Variants in ZFPM1 observed in about 807,000 individuals in gnomAD.
ZFPM1 encodes the protein zinc finger protein, FOG family member 1.
Under a neutral mutation model 46.3 loss-of-function variants are expected in ZFPM1, and 28 were observed. The observed-to-expected ratio is 0.60, with a 90% confidence interval of 0.45 to 0.83. The LOEUF is 0.83. Ranked by LOEUF, ZFPM1 falls within the 40% of genes least tolerant of loss-of-function variation. ZFPM1 has a pLI of 0.00. For missense variants in ZFPM1, 1,878 were observed against 1,432.4 expected, an observed-to-expected ratio of 1.31 and a Z score of -5.02; for synonymous variants, 957 against 675.9, an observed-to-expected ratio of 1.42 and a Z score of -6.45.
chr16:88,521,027 G>A (rs1409619169), intron 4 of ZFPM1, among the ~76,000 whole-genome samples: 1 of 126,136 alleles, frequency 7.9e-6, no homozygotes, highest in Non-Finnish European at 1.7e-5. Flanking sequence ...TATGTAGGTG[G>A]GTAGATGATG....
At chr16:88,473,735 C>T (rs1013719532) in intron 1 of ZFPM1, among the ~76,000 whole-genome samples, 1 of 152,170 alleles carries the variant, frequency 6.6e-6, no homozygotes, top group Non-Finnish European at 1.5e-5. Flanking sequence ...TGGGACCTCT[C>T]CTCCTCCCTG....
At chr16:88,486,788 GGT>G (rs1314860124) in intron 2 of ZFPM1, among the ~76,000 whole-genome samples, 2 of 149,910 alleles carry the variant, frequency 1.3e-5, no homozygotes, top group South Asian at 2.1e-4. Context: ...GTGGGTGCTG[GGT>G]GCACAGTGGA....
chr16:88,494,800 C>G (rs750252896), intron 3 of ZFPM1, among the ~76,000 whole-genome samples: 1 of 152,080 alleles, frequency 6.6e-6, no homozygotes, highest in African/African-American at 2.4e-5. Context: ...GGGGTCTGAG[C>G]GTGATCCCAG....
At chr16:88,495,585 G>A (rs568390423) in intron 3 of ZFPM1, among the ~76,000 whole-genome samples, 4 of 152,322 alleles carry the variant, frequency 2.6e-5, no homozygotes, top group Admixed American at 6.5e-5. Context: ...TGCAGGCACC[G>A]AGGGTGGGAA....
chr16:88,532,215 T>G lies in ZFPM1; in HGVS notation c.926T>G (p.Ile309Ser), dbSNP rs1448562711. The change falls in exon 7 of 10, where the codon ATC (isoleucine) becomes AGC (serine). Residue 309 changes from isoleucine (I) to serine (S), a missense_variant. By Grantham distance (142) the Ile-to-Ser change is moderately radical. Coordinates refer to ENST00000319555, the MANE Select transcript of ZFPM1 (RefSeq NM_153813.3). Reference protein sequence around the residue: ...KSCPSASSLEIHMRSHSGERP... With the variant: ...KSCPSASSLESHMRSHSGERP... ...TGCCCCAGCGCCAGCTCCCTGGAGA[T>G]CCACATGCGCAGCCACAGCGGTGAG... 1 of 1,606,530 alleles carries G rather than the reference T, an allele frequency of 6.2e-7. No homozygotes were observed. Among genetic ancestry groups the G allele is most frequent in the Non-Finnish European group, 8.5e-7 (1 of 1,175,510 alleles).
intron 3 of ZFPM1, among the ~76,000 whole-genome samples, chr16:88,489,998 C>T (rs1035156008): frequency 7.1e-6 from 1 of 140,112 alleles, no homozygotes; most frequent in Non-Finnish European, 1.5e-5. Flanking sequence ...GGAGGGACAG[C>T]GTGGGGAGGG....
chr16:88,493,873 G>A (rs1051675767), intron 3 of ZFPM1, among the ~76,000 whole-genome samples: 10 of 152,156 alleles, frequency 6.6e-5, no homozygotes, highest in South Asian at 2.1e-4. Context: ...TGTCTGCTGC[G>A]AGCGGCTTTG....
intron 3 of ZFPM1, among the ~76,000 whole-genome samples, chr16:88,499,367 C>A (rs1358759762): frequency 1.3e-5 from 2 of 152,290 alleles, no homozygotes; most frequent in East Asian, 3.9e-4. Flanking sequence ...GAAAACAGAC[C>A]TCCTCCAGAG....
intron 1 of ZFPM1, among the ~76,000 whole-genome samples, chr16:88,455,808 G>GC (rs1907529620): frequency 6.6e-6 from 1 of 152,192 alleles, no homozygotes; most frequent in Admixed American, 6.5e-5. Flanking sequence ...CGGGAGCGCG[G>GC]CCTTGGCCGG....
intron 1 of ZFPM1, among the ~76,000 whole-genome samples, chr16:88,483,045 G>A (rs1009306044): frequency 4.6e-5 from 7 of 152,178 alleles, no homozygotes; most frequent in African/African-American, 1.7e-4. Context: ...GGGTGGCCCA[G>A]CCTGCCCTGG....
In ZFPM1 at chr16:88,533,937, G is replaced by A; in HGVS notation, c.1979G>A (p.Gly660Asp). ...GCCACGCCCGAGGACGGCGCGGGCG[G>A]CCGGGGCAGCGAGGGCAGCCAGAGC... is the stretch of plus-strand genomic sequence containing the variant. The part of the protein sequence containing the change: ...GAATPEDGAG[G>D]RGSEGSQSPG... Residue 660 changes from glycine to aspartate, a missense_variant, in exon 10 of 10, where the codon GGC becomes GAC. By Grantham distance (94) the Gly-to-Asp change is moderately conservative. Transcript: ENST00000319555. The A allele has an allele frequency of 2.4e-6, 3 of 1,263,428 alleles. No individual in the cohort carries two copies. Among genetic ancestry groups the A allele is most frequent in the East Asian group, 6.0e-5 (1 of 16,664 alleles). The allele number at this position is 1,263,428 out of a possible 1,614,324, so 78.3% of individuals were successfully genotyped here.
chr16:88,518,737 GTGGA>G (rs56367074), intron 4 of ZFPM1, among the ~76,000 whole-genome samples: 25,761 of 125,892 alleles, frequency 0.2, 2,654 homozygotes, highest in East Asian at 0.25. Context: ...GGCTGAGAGG[GTGGA>G]TGGATGGATG....
chr16:88,499,022 C>T (rs1910099660), intron 3 of ZFPM1, among the ~76,000 whole-genome samples: 1 of 152,230 alleles, frequency 6.6e-6, no homozygotes, highest in Admixed American at 6.5e-5. Flanking sequence ...AGCCCCTGGA[C>T]AGGGTTGAGC....
Position 88,526,860 on chromosome 16 carries a change from G to C in ZFPM1, c.449G>C (p.Arg150Thr), listed in dbSNP as rs1458393953. 6.3e-7 allele frequency: 1 copy of C among 1,576,248 alleles called. No homozygotes were observed. The highest frequency in any genetic ancestry group is 2.3e-5 in the East Asian group (1 of 42,862). The change falls in exon 5 of 10, where the codon AGG (arginine) becomes ACG (threonine). Residue 150 changes from arginine (R) to threonine (T), a missense_variant. Physicochemically the swap from Arg to Thr is moderately conservative, Grantham distance 71. Transcript: ENST00000319555. Reference sequence around the variant, plus strand: ...CTGGTGGACGAGGCCTGCTGGCTGAGGACGCTGCCCCAGGCCCTGACTGAG... The same window carrying C: ...CTGGTGGACGAGGCCTGCTGGCTGACGACGCTGCCCCAGGCCCTGACTGAG... ...LLLVDEACWL[R>T]TLPQALTEAE...
In ZFPM1 at chr16:88,480,654, G is replaced by A. The variant is rs1160579218; in HGVS notation, c.41-5285G>A. 2.6e-5 allele frequency among the ~76,000 whole-genome samples: 4 copies of A among 152,226 alleles called. No individual in the cohort carries two copies. The highest frequency in any genetic ancestry group is 7.2e-5 in the African/African-American group (3 of 41,468). ...TTAGGCTCATCTCAAACACTGAGCC[G>A]GAGCAGGGTGCTCCCTGGGCCAGGG... On this transcript the variant is annotated intron_variant, in intron 1 of 9. Transcript: ENST00000319555. The surrounding 1 kb of genome is among the most constrained non-coding windows in gnomAD (Gnocchi z 4.9).
chr16:88,526,081 A>C (rs1752284164), intron 4 of ZFPM1, among the ~76,000 whole-genome samples: 1 of 152,160 alleles, frequency 6.6e-6, no homozygotes, highest in African/African-American at 2.4e-5. Flanking sequence ...GGCCGATCCA[A>C]CACAGTGCTG....
intron 3 of ZFPM1, among the ~76,000 whole-genome samples, chr16:88,499,942 A>G (rs953417419): frequency 1.3e-5 from 2 of 152,180 alleles, no homozygotes; most frequent in Non-Finnish European, 2.9e-5. Flanking sequence ...GCGCAGCCGG[A>G]GCCCTGGGTC....
rs569791194 is a variant in ZFPM1 at position 88,487,198 on chromosome 16, C to T, written c.145+1155C>T. ...AGGGGCCTCCCTGGGACAGAGGTGC[C>T]AGGAGAGGTCAGCATGCTCACCCCC... On this transcript the variant is annotated intron_variant, in intron 2 of 9. Transcript: ENST00000319555. Among the ~76,000 whole-genome samples the T allele has an allele frequency of 2.6e-5, 4 of 152,292 alleles. No individual in the cohort carries two copies. In the South Asian group the frequency reaches 8.3e-4, roughly 32 times the overall value.
intron 1 of ZFPM1, among the ~76,000 whole-genome samples, chr16:88,477,894 G>T (rs1397131159): frequency 6.6e-6 from 1 of 152,202 alleles, no homozygotes; most frequent in East Asian, 1.9e-4. Context: ...TGGCCTGGAG[G>T]GCGTGTTGGG....
Sources: gnomAD v4.1 joint callset for allele counts (sites outside exome capture counted in the v4.1 genomes callset) on GRCh38, gnomAD v4.1.1 for gene constraint, Gnocchi (gnomAD v3.1) non-coding constraint, MANE v1.5 for transcripts, NCBI Gene and HGNC (gene_info 2026-07-23, HGNC 2026-07-21) for gene names.